R3HDM1: variants seen among roughly 807,000 people sequenced by gnomAD.
R3HDM1 encodes R3H domain-containing protein 1.
Under a neutral mutation model 141.1 loss-of-function variants are expected in R3HDM1, and 46 were observed. That is an observed-to-expected ratio of 0.33 (90% CI 0.26 to 0.42). The LOEUF (loss-of-function observed/expected upper bound fraction) is 0.42. R3HDM1 is among the 10% of genes least tolerant of loss of function. The probability of loss-of-function intolerance (pLI) is 1.00; values close to 1 mark genes in which losing one functional copy is unlikely to be tolerated. For missense variants in R3HDM1, 1,184 were observed against 1,368.3 expected, an observed-to-expected ratio of 0.87 and a Z score of 2.12; for synonymous variants, 435 against 472.9, an observed-to-expected ratio of 0.92 and a Z score of 1.04.
In R3HDM1 at chr2:135,680,343, C is replaced by G; in HGVS notation, c.2459+19C>G. On this transcript the variant is annotated intron_variant, in intron 21 of 26. Transcript: ENST00000683871. ...ATTTAAGGTGAGTATGACTGAGTAA[C>G]CTAATCTTCCAGCTTCTCATTGTTT... is the stretch of plus-strand genomic sequence containing the variant. 6.2e-7 allele frequency: 1 copy of G among 1,611,146 alleles called. No homozygotes were observed. The highest frequency in any genetic ancestry group is 8.5e-7 in the Non-Finnish European group (1 of 1,177,878).
intron 1 of R3HDM1, among the ~76,000 whole-genome samples, chr2:135,598,489 T>C (rs781229478): frequency 2.0e-5 from 3 of 152,160 alleles, no homozygotes; most frequent in Admixed American, 6.5e-5. Context: ...TAAACACAAA[T>C]TGCCCCTCTT....
chr2:135,706,866 A>G (rs1178545901), intron 21 of R3HDM1, among the ~76,000 whole-genome samples: 2 of 152,082 alleles, frequency 1.3e-5, no homozygotes, highest in Admixed American at 6.5e-5. Context: ...CATTGTCATC[A>G]TGGCCCGTTC....
At chr2:135,721,874 C>G (rs1039788054) in intron 24 of R3HDM1, 50 bp from the exon 25 acceptor site, 4 of 1,520,940 alleles carry the variant, frequency 2.6e-6, no homozygotes, top group Non-Finnish European at 3.6e-6. Flanking sequence ...AGGCATGAAC[C>G]ACCGTGCCCG....
At chr2:135,599,396 T>A (rs2059442046) in intron 1 of R3HDM1, among the ~76,000 whole-genome samples, 1 of 152,252 alleles carries the variant, frequency 6.6e-6, no homozygotes, top group Non-Finnish European at 1.5e-5. Context: ...GGAACTGAGA[T>A]ATATACTTGA....
intron 7 of R3HDM1, among the ~76,000 whole-genome samples, chr2:135,628,970 G>A (rs965845885): frequency 2.6e-5 from 4 of 151,660 alleles, no homozygotes; most frequent in African/African-American, 7.3e-5. Context: ...TTACAGTAAG[G>A]CAATATGTAA....
chr2:135,626,951 T>C (rs953315202), intron 7 of R3HDM1, among the ~76,000 whole-genome samples: 4 of 152,192 alleles, frequency 2.6e-5, no homozygotes, highest in Non-Finnish European at 5.9e-5. Context: ...CTTAGCATAA[T>C]GTTTTTAAGG....
At chr2:135,589,050 T>G (rs1453986541) in intron 1 of R3HDM1, among the ~76,000 whole-genome samples, 1 of 152,158 alleles carries the variant, frequency 6.6e-6, no homozygotes. Flanking sequence ...GAACAGACGC[T>G]CATTTAGCAT....
intron 26 of R3HDM1, among the ~76,000 whole-genome samples, chr2:135,723,434 C>T (rs2076887696): frequency 6.6e-6 from 1 of 151,796 alleles, no homozygotes; most frequent in African/African-American, 2.4e-5. Flanking sequence ...ACACTATTAG[C>T]CCTCTATTCC....
chr2:135,706,844 C>T (rs1465644340), intron 21 of R3HDM1, among the ~76,000 whole-genome samples: 1 of 152,202 alleles, frequency 6.6e-6, no homozygotes, highest in Non-Finnish European at 1.5e-5. Flanking sequence ...CTTTTCTATT[C>T]CACAAAACCG....
Position 135,631,953 on chromosome 2 carries a change from A to G in R3HDM1, c.650A>G (p.Asp217Gly). 6.2e-7 allele frequency: 1 copy of G among 1,612,746 alleles called. No homozygotes were observed. Among genetic ancestry groups the G allele is most frequent in the African/African-American group, 1.3e-5 (1 of 75,010 alleles). The change falls in exon 9 of 27, where the codon GAT becomes GGT. Residue 217 changes from aspartate (D) to glycine (G), a missense_variant. Physicochemically the swap from Asp to Gly is moderately conservative, Grantham distance 94. Transcript: ENST00000683871. ...AAYFGLDHNV[D>G]QSGKSVIVNK... ...TACTTTGGATTAGACCACAATGTTGATCAGAGTGGGAAGTCTGTCATAGTA... is the reference window on the plus strand; with the variant it reads ...TACTTTGGATTAGACCACAATGTTGGTCAGAGTGGGAAGTCTGTCATAGTA...
chr2:135,685,615 C>G (rs2105367242), intron 21 of R3HDM1, among the ~76,000 whole-genome samples: 1 of 152,232 alleles, frequency 6.6e-6, no homozygotes, highest in Non-Finnish European at 1.5e-5. Flanking sequence ...AGATATTTAT[C>G]TGAGAAATTT....
At chr2:135,608,603 C>T (rs1303866880) in intron 3 of R3HDM1, among the ~76,000 whole-genome samples, 1 of 152,136 alleles carries the variant, frequency 6.6e-6, no homozygotes. Flanking sequence ...CTGGTTAATA[C>T]AGAGTTACTT....
intron 21 of R3HDM1, among the ~76,000 whole-genome samples, chr2:135,682,581 G>A (rs2070513175): frequency 1.3e-5 from 2 of 152,178 alleles, no homozygotes; most frequent in Non-Finnish European, 2.9e-5. Context: ...TAGTCCCTGG[G>A]CATGCTTCAC....
Position 135,652,010 on chromosome 2 carries a change from A to G in R3HDM1, c.2006A>G (p.Tyr669Cys). The change falls in exon 18 of 27, where the codon TAT becomes TGT. Residue 669 changes from tyrosine (Y) to cysteine (C), a missense_variant. By Grantham distance (194) the Tyr-to-Cys change is radical. This residue lies in a region of R3HDM1 where 563 missense variants were observed against 562.0 expected (regional missense o/e 1.00). Coordinates refer to ENST00000683871, the MANE Select transcript of R3HDM1 (RefSeq NM_001378107.1). ...CAGCCTGTGCTCCAGCAGCAGGGATATATTCAGCAGCCATCACCACAGGTA... is the reference window on the plus strand; with the variant it reads ...CAGCCTGTGCTCCAGCAGCAGGGATGTATTCAGCAGCCATCACCACAGGTA... ...VSQPVLQQQGYIQQPSPQMPA... is the reference protein window; with the variant it reads ...VSQPVLQQQGCIQQPSPQMPA... 6.2e-7 allele frequency: 1 copy of G among 1,601,708 alleles called. No individual in the cohort carries two copies. Among genetic ancestry groups the G allele is most frequent in the Non-Finnish European group, 8.5e-7 (1 of 1,173,232 alleles).
chr2:135,678,921 G>A (rs1291756788), intron 20 of R3HDM1, among the ~76,000 whole-genome samples: 2 of 151,524 alleles, frequency 1.3e-5, no homozygotes, highest in Non-Finnish European at 2.9e-5. Context: ...CACTACTCCC[G>A]GCTAATTTCT....
chr2:135,572,289 G>A (rs1383519220), intron 1 of R3HDM1, among the ~76,000 whole-genome samples: 14 of 152,298 alleles, frequency 9.2e-5, no homozygotes, highest in Admixed American at 3.9e-4. Flanking sequence ...GATAAAGGAC[G>A]TGTATACAGA....
At chr2:135,588,328 AC>A (rs1487423737) in intron 1 of R3HDM1, among the ~76,000 whole-genome samples, 3 of 149,474 alleles carry the variant, frequency 2.0e-5, no homozygotes, top group Non-Finnish European at 4.5e-5. Context: ...CCCTGGCTAC[AC>A]CTCTTTCAGT....
intron 1 of R3HDM1, among the ~76,000 whole-genome samples, chr2:135,545,839 A>T (rs1698578242): frequency 6.6e-6 from 1 of 152,216 alleles, no homozygotes; most frequent in African/African-American, 2.4e-5. Context: ...AAAAGATGCC[A>T]TAGTTTTTCT....
intron 23 of R3HDM1, among the ~76,000 whole-genome samples, chr2:135,712,214 C>T (rs149626283): frequency 1.6e-3 from 244 of 152,164 alleles, no homozygotes; most frequent in African/African-American, 4.7e-3. Flanking sequence ...TACCCTCTGA[C>T]ACCAGGCTGG....
Sources: gnomAD v4.1 joint callset for allele counts (sites outside exome capture counted in the v4.1 genomes callset) on GRCh38, gnomAD v4.1.1 for gene constraint, gnomAD v4.1.1 regional missense constraint, MANE v1.5 for transcripts, NCBI Gene and HGNC (gene_info 2026-07-23, HGNC 2026-07-21) for gene names.